Variants in PAG1 observed in about 807,000 individuals in gnomAD.
PAG1 encodes phosphoprotein membrane anchor with glycosphingolipid microdomains 1, also known as phosphoprotein associated with glycosphingolipid-enriched microdomains 1.
PAG1 carries 23 observed loss-of-function variants against 31.7 expected under a neutral mutation model. That is an observed-to-expected ratio of 0.73 (90% CI 0.52 to 1.03). The LOEUF (loss-of-function observed/expected upper bound fraction) is 1.03. Among genes scored for constraint, PAG1 ranks in the 50% least tolerant of loss-of-function variants. PAG1 has a pLI of 0.00. For synonymous variants in PAG1, 214 were observed against 210.3 expected, an observed-to-expected ratio of 1.02 and a Z score of -0.15; for missense variants, 473 against 540.7, an observed-to-expected ratio of 0.87 and a Z score of 1.24.
chr8:80,987,416 A>G lies in PAG1; in HGVS notation c.228T>C (p.Asp76=), dbSNP rs377584054. The part of the protein sequence containing the change: ...FSRSVTSLAT[D]APASSEQNGA... ...CATTCTGCTCACTGCTGGCAGGAGC[A>G]TCTGTTGCCAGGCTAGTAACTGAAC... The change falls in exon 6 of 9, where the codon GAT becomes GAC. Residue 76 remains aspartate, a synonymous_variant. Coordinates refer to ENST00000220597, the MANE Select transcript of PAG1 (RefSeq NM_018440.4). 1.6e-5 allele frequency: 26 copies of G among 1,613,926 alleles called. No homozygotes were observed. Among genetic ancestry groups the G allele is most frequent in the African/African-American group, 4.0e-5 (3 of 74,932 alleles).
chr8:81,106,170 C>T (rs1038396865), intron 1 of PAG1, among the ~76,000 whole-genome samples: 3 of 152,058 alleles, frequency 2.0e-5, no homozygotes, highest in Non-Finnish European at 2.9e-5. Flanking sequence ...CTCAGCCTTC[C>T]GAGTAGCTTG....
At chr8:81,090,857 G>C (rs1027337381) in intron 1 of PAG1, among the ~76,000 whole-genome samples, 2 of 152,186 alleles carry the variant, frequency 1.3e-5, no homozygotes, top group Admixed American at 6.5e-5. Context: ...ACATTAAGGA[G>C]TTAGATCTCT....
chr8:81,071,655 C>CACTT (rs150479355), intron 1 of PAG1, among the ~76,000 whole-genome samples: 1 of 152,258 alleles, frequency 6.6e-6, no homozygotes, highest in South Asian at 2.1e-4. Flanking sequence ...GTTTAATAAA[C>CACTT]ACTTACTGAT....
chr8:81,061,557 A>G (rs1374075311), intron 2 of PAG1, among the ~76,000 whole-genome samples: 2 of 152,212 alleles, frequency 1.3e-5, no homozygotes, highest in African/African-American at 4.8e-5. Flanking sequence ...TGATGATGAA[A>G]TGCTCTCAAG....
In PAG1 at chr8:81,010,793, C is replaced by A. The variant is rs188117768; in HGVS notation, c.-80-17486G>T. Reference sequence around the variant, plus strand: ...CATGGGGCAGGTGGACCCAACCATTCCAGCCTCAGCTGGTTCCTTGGTCTC... The same window carrying A: ...CATGGGGCAGGTGGACCCAACCATTACAGCCTCAGCTGGTTCCTTGGTCTC... On this transcript the variant is annotated intron_variant, in intron 3 of 8. Coordinates refer to ENST00000220597, the MANE Select transcript of PAG1 (RefSeq NM_018440.4). Among the ~76,000 whole-genome samples the A allele has an allele frequency of 6.4e-3, 977 of 152,342 alleles. 5 individuals are homozygous for A. Among genetic ancestry groups the A allele is most frequent in the African/African-American group, 0.022 (935 of 41,564 alleles).
intron 1 of PAG1, among the ~76,000 whole-genome samples, chr8:81,087,692 CAA>C (rs1382522540): frequency 6.6e-6 from 1 of 152,172 alleles, no homozygotes; most frequent in African/African-American, 2.4e-5. Flanking sequence ...TTGACTTGCA[CAA>C]AGTTACAGAA....
intron 1 of PAG1, among the ~76,000 whole-genome samples, chr8:81,091,999 C>CA (rs35485848): frequency 0.36 from 45,765 of 127,884 alleles, 8,274 homozygotes; most frequent in East Asian, 0.67. Flanking sequence ...GACCTTGTCT[C>CA]AAAAAAAAAA....
Position 81,078,693 on chromosome 8 carries a change from C to T in PAG1, c.-233-8523G>A, listed in dbSNP as rs148089961. Among the ~76,000 whole-genome samples the T allele has an allele frequency of 5.0e-3, 757 of 152,108 alleles. 9 individuals are homozygous for T. The highest frequency in any genetic ancestry group is 0.017 in the African/African-American group (721 of 41,512). On this transcript the variant is annotated intron_variant, in intron 1 of 8. Coordinates refer to ENST00000220597, the MANE Select transcript of PAG1 (RefSeq NM_018440.4). ...GCTATTTAGATGACACTGTAGGTAC[C>T]GAATAAAAAGAGCAATTGACAAAAG...
At chr8:81,073,659 C>T (rs1033476264) in intron 1 of PAG1, among the ~76,000 whole-genome samples, 2 of 152,166 alleles carry the variant, frequency 1.3e-5, no homozygotes, top group African/African-American at 4.8e-5. Context: ...AGGAGAATGT[C>T]CATATGTCAG....
In PAG1 at chr8:80,990,208, G is replaced by A. The variant is rs1807512355; in HGVS notation, c.177+1271C>T. ...GCCCAGGAAAGCTGCGAAGGGTGAGGTGGGCATGTGGATGCAGAGGGGAGG... is the reference window on the plus strand; with the variant it reads ...GCCCAGGAAAGCTGCGAAGGGTGAGATGGGCATGTGGATGCAGAGGGGAGG... On this transcript the variant is annotated intron_variant, in intron 5 of 8. Transcript: ENST00000220597. This position sits in a 1 kb window ranked among gnomAD's most constrained non-coding sequence, Gnocchi z 5.1. 6.6e-6 allele frequency among the ~76,000 whole-genome samples: 1 copy of A among 152,086 alleles called. No homozygotes were observed. Among genetic ancestry groups the A allele is most frequent in the East Asian group, 1.9e-4 (1 of 5,174 alleles).
At position 80,987,471 on chromosome 8, in the gene PAG1, A is replaced by C. The variant is rs1807449192; in HGVS notation, c.178-5T>G. On this transcript the variant is annotated splice_polypyrimidine_tract_variant and splice_region_variant and intron_variant, in intron 5 of 8. Coordinates refer to ENST00000220597, the MANE Select transcript of PAG1 (RefSeq NM_018440.4). Reference sequence around the variant, plus strand: ...GAACATCTCCTTGTCTGAAGGCTGAAAACAAAAACAAAAACAAAAACAAAT... The same window carrying C: ...GAACATCTCCTTGTCTGAAGGCTGACAACAAAAACAAAAACAAAAACAAAT... 6.5e-7 allele frequency: 1 copy of C among 1,528,182 alleles called. No homozygotes were observed. The highest frequency in any genetic ancestry group is 1.4e-5 in the African/African-American group (1 of 73,166). The allele number at this position is 1,528,182 out of a possible 1,614,324, so 94.7% of individuals were successfully genotyped here.
intron 2 of PAG1, among the ~76,000 whole-genome samples, chr8:81,030,357 A>G (rs914070631): frequency 1.3e-5 from 2 of 152,254 alleles, no homozygotes; most frequent in African/African-American, 4.8e-5. Context: ...TAAGTGTCTA[A>G]TCAAATACAA....
At chr8:81,037,230 C>T (rs899723184) in intron 2 of PAG1, 8 of 152,106 alleles carry the variant, frequency 5.3e-5, no homozygotes, top group Non-Finnish European at 1.2e-4. Context: ...AAATCCTTAA[C>T]GATGTATCCT....
intron 3 of PAG1, among the ~76,000 whole-genome samples, chr8:81,008,556 CTAATATA>C (rs1439366772): frequency 8.1e-5 from 12 of 148,122 alleles, no homozygotes; most frequent in African/African-American, 2.9e-4. Context: ...ATATTATATA[CTAATATA>C]TAATATATAT....
At chr8:81,072,511 G>A (rs1285394693) in intron 1 of PAG1, among the ~76,000 whole-genome samples, 1 of 152,150 alleles carries the variant, frequency 6.6e-6, no homozygotes, top group Non-Finnish European at 1.5e-5. Flanking sequence ...TCCCCATGTT[G>A]AAAATCACTG....
chr8:81,102,558 A>G (rs926002295), intron 1 of PAG1, among the ~76,000 whole-genome samples: 1 of 152,188 alleles, frequency 6.6e-6, no homozygotes, highest in African/African-American at 2.4e-5. Context: ...AGCCTCCTAG[A>G]TATTTTTTGT....
chr8:81,026,413 C>T (rs552007380), intron 3 of PAG1, among the ~76,000 whole-genome samples: 5 of 149,542 alleles, frequency 3.3e-5, no homozygotes, highest in African/African-American at 7.4e-5. Context: ...CAATTTCCCT[C>T]GACCGATAAA....
At chr8:81,059,932 T>C (rs1808890832) in intron 2 of PAG1, among the ~76,000 whole-genome samples, 1 of 151,824 alleles carries the variant, frequency 6.6e-6, no homozygotes, top group Non-Finnish European at 1.5e-5. Flanking sequence ...GTAGGAAGAT[T>C]GCTTGAACCC....
rs1229318791 is a variant in PAG1, at chr8:80,971,251, A to AT, written c.*5292dup. The AT allele has an allele frequency of 6.6e-6, 1 of 152,198 alleles. No individual in the cohort carries two copies. Among genetic ancestry groups the AT allele is most frequent in the Admixed American group, 6.5e-5 (1 of 15,276 alleles). 9.4% of individuals were successfully genotyped at this position (152,198 alleles called of 1,614,324 possible). A position where few individuals can be genotyped will look rare whatever the true frequency, so the allele number is the denominator to read the frequency against. On this transcript the variant is annotated 3_prime_UTR_variant, in exon 9 of 9. Coordinates refer to ENST00000220597, the MANE Select transcript of PAG1 (RefSeq NM_018440.4). ...AAAATGCTACTAAGTGTCATGAATTATTTTTTAATATTTTTGAGTAAGGGG... is the reference window on the plus strand; with the variant it reads ...AAAATGCTACTAAGTGTCATGAATTATTTTTTTAATATTTTTGAGTAAGGGG...
Sources: gnomAD v4.1 joint callset for allele counts (sites outside exome capture counted in the v4.1 genomes callset) on GRCh38, gnomAD v4.1.1 for gene constraint, Gnocchi (gnomAD v3.1) non-coding constraint, MANE v1.5 for transcripts, NCBI Gene and HGNC (gene_info 2026-07-23, HGNC 2026-07-21) for gene names.